Variants in STEAP1B observed in about 807,000 individuals in gnomAD.
The protein encoded by STEAP1B is STEAP family member 1B, also known as STEAP family protein MGC87042.
A neutral mutation model predicts 27.9 loss-of-function variants in STEAP1B; 13 were observed. That is an observed-to-expected ratio of 0.47 (90% CI 0.30 to 0.74). The LOEUF (loss-of-function observed/expected upper bound fraction) is 0.74. Among genes scored for constraint, STEAP1B ranks in the 30% least tolerant of loss-of-function variants. The probability of loss-of-function intolerance (pLI) is 0.06; values close to 1 mark genes in which losing one functional copy is unlikely to be tolerated. For synonymous variants in STEAP1B, 86 were observed against 107.1 expected (o/e 0.80, Z 1.22); for missense variants, 250 against 298.7 (o/e 0.84, Z 1.20).
chr7:22,452,186 G>C (rs1224209680), intron 4 of STEAP1B, among the ~76,000 whole-genome samples: 1 of 152,184 alleles, frequency 6.6e-6, no homozygotes, highest in Non-Finnish European at 1.5e-5. Flanking sequence ...CTGAGGGAAA[G>C]GTAAGTAAGG....
chr7:22,488,222 C>G (rs1786250113), intron 4 of STEAP1B, among the ~76,000 whole-genome samples: 1 of 152,220 alleles, frequency 6.6e-6, no homozygotes, highest in East Asian at 1.9e-4. Flanking sequence ...AGCCTGGGCA[C>G]ATGCTGTTTC....
At chr7:22,446,746 G>A (rs1272027448) in intron 4 of STEAP1B, among the ~76,000 whole-genome samples, 1 of 152,126 alleles carries the variant, frequency 6.6e-6, no homozygotes, top group Non-Finnish European at 1.5e-5. Context: ...TTTGTTTCAG[G>A]TAAACGACTC....
chr7:22,438,094 A>G, intron 4 of STEAP1B, among the ~76,000 whole-genome samples: 1 of 151,930 alleles, frequency 6.6e-6, no homozygotes, highest in South Asian at 2.1e-4. Context: ...TTTGCTGTGC[A>G]GAAGGTTTTT....
chr7:22,499,767 C>T (rs556255425), intron 1 of STEAP1B, among the ~76,000 whole-genome samples: 2 of 152,332 alleles, frequency 1.3e-5, no homozygotes, highest in African/African-American at 2.4e-5. Flanking sequence ...CAAACTCTGG[C>T]GACTTTGCCA....
At chr7:22,488,130 C>T (rs867270181) in intron 4 of STEAP1B, among the ~76,000 whole-genome samples, 5 of 152,302 alleles carry the variant, frequency 3.3e-5, no homozygotes, top group African/African-American at 1.2e-4. Flanking sequence ...TCCCAGTCCT[C>T]CGAGTCCCTT....
chr7:22,445,611 G>A (rs774064076), intron 4 of STEAP1B, among the ~76,000 whole-genome samples: 7 of 152,234 alleles, frequency 4.6e-5, no homozygotes, highest in African/African-American at 1.2e-4. Context: ...CTGGCTTCCC[G>A]CCCTCCACCT....
At chr7:22,489,755 G>T (rs1349866226) in intron 4 of STEAP1B, among the ~76,000 whole-genome samples, 4 of 152,108 alleles carry the variant, frequency 2.6e-5, no homozygotes, top group Non-Finnish European at 4.4e-5. Flanking sequence ...CTCTTTTTTG[G>T]TTCCATATGA....
chr7:22,448,488 T>C (rs932690174), intron 4 of STEAP1B, among the ~76,000 whole-genome samples: 2 of 152,224 alleles, frequency 1.3e-5, no homozygotes, highest in Admixed American at 6.5e-5. Context: ...TATCATTCTA[T>C]TATAATTCTG....
intron 4 of STEAP1B, among the ~76,000 whole-genome samples, chr7:22,457,584 T>C (rs1026799736): frequency 2.0e-5 from 3 of 152,214 alleles, no homozygotes; most frequent in African/African-American, 7.2e-5. Context: ...CCTTTAAAAT[T>C]CTACAGTTCT....
chr7:22,453,023 A>T (rs1381649484), intron 4 of STEAP1B, among the ~76,000 whole-genome samples: 1 of 152,170 alleles, frequency 6.6e-6, no homozygotes, highest in Non-Finnish European at 1.5e-5. Flanking sequence ...GAAGTGAAAC[A>T]ATTTCATACA....
intron 4 of STEAP1B, among the ~76,000 whole-genome samples, chr7:22,488,499 A>C (rs73684100): frequency 0.02 from 3,094 of 152,194 alleles, 100 homozygotes; most frequent in African/African-American, 0.07. Context: ...AGTGGACCCC[A>C]CCCTCATCCT....
chr7:22,430,484 T>C (rs1160000126), intron 4 of STEAP1B, among the ~76,000 whole-genome samples: 7 of 152,232 alleles, frequency 4.6e-5, no homozygotes, highest in Non-Finnish European at 1.0e-4. Flanking sequence ...AAAGAATATC[T>C]TGTATCATTG....
chr7:22,463,164 GACAA>G (rs1368557661), intron 4 of STEAP1B, among the ~76,000 whole-genome samples: 24 of 152,016 alleles, frequency 1.6e-4, no homozygotes, highest in African/African-American at 4.3e-4. Flanking sequence ...ACCAACAACA[GACAA>G]ACAGAGAGCC....
At chr7:22,497,061 A>G (rs941791493) in intron 1 of STEAP1B, among the ~76,000 whole-genome samples, 4 of 152,124 alleles carry the variant, frequency 2.6e-5, no homozygotes, top group South Asian at 4.1e-4. Flanking sequence ...CCTCCCTCCA[A>G]TGTGATTTTG....
At chr7:22,496,723 C>T (rs901521661) in intron 1 of STEAP1B, among the ~76,000 whole-genome samples, 1 of 152,116 alleles carries the variant, frequency 6.6e-6, no homozygotes, top group South Asian at 2.1e-4. Context: ...GGAGGCTGTA[C>T]CATCTAAGTT....
In STEAP1B at chr7:22,424,317, A is replaced by T. The variant is rs889170202; in HGVS notation, c.763-4481T>A. Among the ~76,000 whole-genome samples, 20 of 152,206 alleles carry T rather than the reference A, an allele frequency of 1.3e-4. 1 individual carries two copies. Among genetic ancestry groups the T allele is most frequent in the Admixed American group, 1.3e-4 (2 of 15,286 alleles). ...GACTTCATAGAAATCTATAATAAAAACATAGTAAGATCTCAATATGTAAAT... is the reference window on the plus strand; with the variant it reads ...GACTTCATAGAAATCTATAATAAAATCATAGTAAGATCTCAATATGTAAAT... On this transcript the variant is annotated intron_variant, in intron 4 of 4. Transcript: ENST00000678116.
rs1786397712 is a variant in STEAP1B, at chr7:22,494,240, A to C, written c.85-404T>G. ...CAAAATTTCTGCCACTTTTTCAGTC[A>C]AAAAATGTAGTAAGAAACACTTAAT... On this transcript the variant is annotated intron_variant, in intron 2 of 4. Coordinates refer to ENST00000678116, the MANE Select transcript of STEAP1B (RefSeq NM_001382447.1). Among the ~76,000 whole-genome samples, 3 of 150,830 alleles carry C rather than the reference A, an allele frequency of 2.0e-5. No individual in the cohort carries two copies. The South Asian group carries it at 6.4e-4, about 32-fold the overall frequency.
At chr7:22,456,972 A>ATATATATATATATATATATATATTTT in intron 4 of STEAP1B, among the ~76,000 whole-genome samples, 2 of 57,046 alleles carry the variant, frequency 3.5e-5, no homozygotes, top group Non-Finnish European at 6.6e-5. Flanking sequence ...ATATATATAT[A>ATATATATATATATATATATATATTTT]TTTTTTTTTT....
chr7:22,474,081 T>C (rs1487499340), intron 4 of STEAP1B, among the ~76,000 whole-genome samples: 3 of 152,228 alleles, frequency 2.0e-5, no homozygotes, highest in African/African-American at 4.8e-5. Context: ...GTTGTTGCAG[T>C]TCAACTTATA....
Sources: allele counts gnomAD v4.1 joint callset (sites outside exome capture counted in the v4.1 genomes callset), GRCh38; gene constraint gnomAD v4.1.1; transcripts MANE v1.5; gene names NCBI Gene and HGNC (gene_info 2026-07-23, HGNC 2026-07-21).